The following CLCN6 variants were observed in gnomAD, a reference collection of about 807,000 sequenced individuals.
The protein encoded by CLCN6 is Cl-/H+ antiporter 6.
CLCN6 carries 70 observed loss-of-function variants against 109.8 expected under a neutral mutation model. The ratio of observed to expected loss-of-function variants is 0.64; its 90% CI spans 0.53 to 0.78. The LOEUF (loss-of-function observed/expected upper bound fraction) is 0.78. Among genes scored for constraint, CLCN6 ranks in the 30% least tolerant of loss-of-function variants. The probability of loss-of-function intolerance (pLI) is 0.00; values close to 1 mark genes in which losing one functional copy is unlikely to be tolerated. For synonymous variants in CLCN6, 444 were observed against 447.8 expected (o/e 0.99, Z 0.11); for missense variants, 984 against 1,142.3 (o/e 0.86, Z 2.00).
At chr1:11,829,404 AATAGAT>A in intron 13 of CLCN6, 82 bp downstream of exon 13, 1 of 1,528,206 alleles carries the variant, frequency 6.5e-7, no homozygotes, top group African/African-American at 1.4e-5. Flanking sequence ...GTTGAGAACT[AATAGAT>A]ATGTTGGGTT....
intron 13 of CLCN6, 118 bp downstream of exon 13, chr1:11,829,440 C>A (rs1557428654): frequency 8.3e-7 from 1 of 1,202,454 alleles, no homozygotes; most frequent in East Asian, 2.4e-5. Context: ...ACACCCATTA[C>A]CTGAGCGTTG....
intron 22 of CLCN6, chr1:11,839,153 C>A (rs2100662690): frequency 3.4e-6 from 2 of 579,834 alleles, no homozygotes; most frequent in East Asian, 5.7e-5. Flanking sequence ...TAGGAAAATA[C>A]AAAAACACAT....
chr1:11,827,826 C>G (rs1644832735), intron 10 of CLCN6, among the ~76,000 whole-genome samples: 1 of 152,220 alleles, frequency 6.6e-6, no homozygotes, highest in African/African-American at 2.4e-5. Flanking sequence ...GGCTGTCCTT[C>G]CCTTTGCATT....
At chr1:11,806,648 G>A (rs1644516056) in intron 1 of CLCN6, 1 of 420,534 alleles carries the variant, frequency 2.4e-6, no homozygotes, top group Admixed American at 4.5e-5. Flanking sequence ...TTTTCAGAAT[G>A]AGCTTCCTCA....
intron 2 of CLCN6, among the ~76,000 whole-genome samples, chr1:11,808,614 C>T (rs1557776590): frequency 6.6e-6 from 1 of 151,300 alleles, no homozygotes; most frequent in Non-Finnish European, 1.5e-5. Context: ...AATTAGGTTC[C>T]AAAAGTCCTT....
intron 8 of CLCN6, among the ~76,000 whole-genome samples, chr1:11,825,459 G>C (rs748513442): frequency 6.6e-6 from 1 of 152,188 alleles, no homozygotes; most frequent in Non-Finnish European, 1.5e-5. Context: ...TCGGTCTTCT[G>C]CAACAGCTTC....
At chr1:11,824,048 A>G (rs771059467) in intron 7 of CLCN6, among the ~76,000 whole-genome samples, 18 of 152,226 alleles carry the variant, frequency 1.2e-4, no homozygotes, top group Non-Finnish European at 2.5e-4. Flanking sequence ...TGGGATTTGG[A>G]ATTTAGCTTG....
At position 11,806,280 on chromosome 1, in the gene CLCN6, G is replaced by T. The variant is rs140859848; in HGVS notation, c.18G>T (p.Gly6=). 4 of 1,497,616 alleles carry T rather than the reference G, an allele frequency of 2.7e-6. No homozygotes were observed. Among genetic ancestry groups the T allele is most frequent in the South Asian group, 1.4e-5 (1 of 73,022 alleles). The allele number at this position is 1,497,616 out of a possible 1,614,324, so 92.8% of individuals were successfully genotyped here. MAGCR[G]SLCCCCRWCC... is the part of the protein sequence containing the mutation. ...GGAGGAAGATGGCGGGGTGCAGGGG[G>T]TCTCTGTGCTGCTGCTGCAGGTGGT... The change falls in exon 1 of 23, where the codon GGG becomes GGT. Residue 6 remains glycine (G), a synonymous_variant. Transcript: ENST00000346436.
At chr1:11,823,471 C>A (rs1217063926) in intron 6 of CLCN6, among the ~76,000 whole-genome samples, 18 of 146,388 alleles carry the variant, frequency 1.2e-4, no homozygotes, top group African/African-American at 4.4e-4. Flanking sequence ...GAGTGAAACT[C>A]TACCTCAAAA....
rs372275105 is a variant in CLCN6, at chr1:11,826,270, C to T, written c.707+56C>T. Reference sequence around the variant, plus strand: ...TTGGAAACAACATGTTCATGCGCTGCGGGTCAGACTCGACACTTGCTCTAG... The same window carrying T: ...TTGGAAACAACATGTTCATGCGCTGTGGGTCAGACTCGACACTTGCTCTAG... On this transcript the variant is annotated intron_variant, in intron 9 of 22. Transcript: ENST00000346436. 5.0e-5 allele frequency: 69 copies of T among 1,385,060 alleles called. 1 individual carries two copies. The East Asian group carries it at 5.7e-4, about 11-fold the overall frequency. The allele number at this position is 1,385,060 out of a possible 1,614,324, so 85.8% of individuals were successfully genotyped here. A position where few individuals can be genotyped will look rare whatever the true frequency, so the allele number is the denominator to read the frequency against.
chr1:11,828,004 C>T (rs77072136), intron 10 of CLCN6, 102 bp from the exon 11 acceptor site: 41,385 of 827,600 alleles, frequency 0.05, 1,398 homozygotes, highest in East Asian at 0.11. Flanking sequence ...ATGTAGATTC[C>T]GGAGGTCTCT....
intron 2 of CLCN6, among the ~76,000 whole-genome samples, chr1:11,809,022 C>T (rs1045475121): frequency 3.3e-5 from 5 of 151,636 alleles, no homozygotes; most frequent in South Asian, 4.2e-4. Flanking sequence ...CCACCATGCC[C>T]GGCTAATTTT....
intron 20 of CLCN6, 72 bp from the exon 21 acceptor site, chr1:11,838,263 G>C: frequency 7.4e-7 from 1 of 1,357,858 alleles, no homozygotes; most frequent in East Asian, 2.3e-5. Flanking sequence ...AGGCATCAAG[G>C]GGAGGGGCTC....
At chr1:11,831,042 A>G (rs1320860166) in intron 13 of CLCN6, among the ~76,000 whole-genome samples, 2 of 151,556 alleles carry the variant, frequency 1.3e-5, no homozygotes, top group African/African-American at 4.9e-5. Flanking sequence ...CATGTTGGCC[A>G]GGCTGGTCTC....
In CLCN6 at chr1:11,823,834, G is replaced by T; in HGVS notation, c.580+1G>T. The T allele has an allele frequency of 6.2e-7, 1 of 1,614,230 alleles. No individual in the cohort carries two copies. The highest frequency in any genetic ancestry group is 8.5e-7 in the Non-Finnish European group (1 of 1,180,020). On this transcript the variant is annotated splice_donor_variant, in intron 7 of 22. Transcript: ENST00000346436. LOFTEE classifies it high-confidence loss of function. ...GGAGTGCTGTTCAGTGTGGCTGGAGGTAAGAAGGGTCCAACTTGTATCCTT... is the reference window on the plus strand; with the variant it reads ...GGAGTGCTGTTCAGTGTGGCTGGAGTTAAGAAGGGTCCAACTTGTATCCTT...
At chr1:11,819,450 G>A in intron 4 of CLCN6, 38 bp from the exon 5 acceptor site, 1 of 1,590,818 alleles carries the variant, frequency 6.3e-7, no homozygotes, top group South Asian at 1.1e-5. Context: ...GCTACACTTG[G>A]AAATAAGGCT....
At chr1:11,808,070 A>G (rs924048697) in intron 2 of CLCN6, among the ~76,000 whole-genome samples, 2 of 152,184 alleles carry the variant, frequency 1.3e-5, no homozygotes, top group Non-Finnish European at 2.9e-5. Flanking sequence ...AAGGATTTCA[A>G]CTATATGCAA....
rs924534782 is a variant in CLCN6, at chr1:11,814,171, A to G, written c.148-1675A>G. On this transcript the variant is annotated intron_variant, in intron 2 of 22. Transcript: ENST00000346436. ...CTGCCACCCAGCCAATGTCCAGCTGATGTGGGTAGGAACAGGTTGTGGGAA... is the reference window on the plus strand; with the variant it reads ...CTGCCACCCAGCCAATGTCCAGCTGGTGTGGGTAGGAACAGGTTGTGGGAA... 4.0e-5 allele frequency among the ~76,000 whole-genome samples: 6 copies of G among 148,892 alleles called. No homozygotes were observed. In the South Asian group the frequency reaches 6.7e-4, roughly 17 times the overall value.
intron 2 of CLCN6, among the ~76,000 whole-genome samples, chr1:11,807,736 A>G (rs1042454896): frequency 2.0e-5 from 3 of 152,210 alleles, no homozygotes; most frequent in Non-Finnish European, 4.4e-5. Context: ...CTTAAACGTA[A>G]TAAAGAAGGT....
Sources: gnomAD v4.1 joint callset for allele counts (sites outside exome capture counted in the v4.1 genomes callset) on GRCh38, gnomAD v4.1.1 for gene constraint, MANE v1.5 for transcripts, NCBI Gene and HGNC (gene_info 2026-07-23, HGNC 2026-07-21) for gene names.